SENP7: variants seen among roughly 807,000 people sequenced by gnomAD.
SENP7 encodes sentrin-specific protease 7.
A neutral mutation model predicts 141.2 loss-of-function variants in SENP7; 64 were observed. The ratio of observed to expected loss-of-function variants is 0.45; its 90% confidence interval spans 0.37 to 0.56. The LOEUF (loss-of-function observed/expected upper bound fraction) is 0.56, where lower values mean the gene tolerates loss of function less well. SENP7 is among the 20% of genes least tolerant of loss of function. SENP7 has a pLI of 0.00. For missense variants in SENP7, 1,025 were observed against 1,212.2 expected (o/e 0.85, Z 2.29); for synonymous variants, 382 against 426.4 (o/e 0.90, Z 1.28).
chr3:101,348,015 G>C lies in SENP7; in HGVS notation c.1694C>G (p.Thr565Arg). The part of the protein sequence containing the change: ...LNEISLLVDT[T>R]HLKRFGLWKS... Reference sequence around the variant, plus strand: ...CCATAACCCAAACCGCTTTAAATGTGTGGTATCCACTAGCAATGAAATCTC... The same window carrying C: ...CCATAACCCAAACCGCTTTAAATGTCTGGTATCCACTAGCAATGAAATCTC... The change falls in exon 13 of 24, where the codon ACA becomes AGA. Residue 565 changes from threonine to arginine, a missense_variant. Thr to Arg is a moderately conservative substitution (Grantham distance 71). Around this residue, in one of 4 missense-constraint regions of SENP7, gnomAD observed 228 missense variants for 228.5 expected, o/e 1.00. Coordinates refer to ENST00000394095, the MANE Select transcript of SENP7 (RefSeq NM_020654.5). 1 of 1,605,650 alleles carries C rather than the reference G, an allele frequency of 6.2e-7. No individual in the cohort carries two copies. Among genetic ancestry groups the C allele is most frequent in the Non-Finnish European group, 8.5e-7 (1 of 1,176,718 alleles).
At chr3:101,422,051 G>A (rs1473707907) in intron 4 of SENP7, among the ~76,000 whole-genome samples, 4 of 152,108 alleles carry the variant, frequency 2.6e-5, no homozygotes, top group Non-Finnish European at 4.4e-5. Context: ...GGAGGTGAAC[G>A]GTGGGTGAGC....
chr3:101,381,282 TTAA>T (rs2060494684), intron 6 of SENP7, among the ~76,000 whole-genome samples: 1 of 152,226 alleles, frequency 6.6e-6, no homozygotes, highest in South Asian at 2.1e-4. Flanking sequence ...CCTCTGCCAC[TTAA>T]TCTCTTTGAA....
chr3:101,387,652 C>T (rs1227863732), intron 6 of SENP7, among the ~76,000 whole-genome samples: 2 of 152,232 alleles, frequency 1.3e-5, no homozygotes, highest in East Asian at 1.9e-4. Flanking sequence ...CAGGTTGCCA[C>T]AGCCACTGCC....
At chr3:101,449,137 T>C (rs946819702) in intron 4 of SENP7, among the ~76,000 whole-genome samples, 10 of 152,008 alleles carry the variant, frequency 6.6e-5, no homozygotes, top group South Asian at 2.1e-4. Context: ...TGATGGAACA[T>C]GAAATGAATG....
intron 3 of SENP7, among the ~76,000 whole-genome samples, chr3:101,482,744 CTTTT>C (rs1196451735): frequency 6.6e-6 from 1 of 151,912 alleles, no homozygotes; most frequent in Non-Finnish European, 1.5e-5. Flanking sequence ...GGTGACCTAT[CTTTT>C]TATTTTTTTT....
intron 4 of SENP7, chr3:101,457,318 T>G (rs1282557784): frequency 1.4e-6 from 2 of 1,423,472 alleles, no homozygotes; most frequent in Non-Finnish European, 2.0e-6. Flanking sequence ...TCCTCCCCAG[T>G]AGCAAGTGGT....
chr3:101,337,473 C>T, intron 17 of SENP7, 36 bp downstream of exon 17: 1 of 1,397,352 alleles, frequency 7.2e-7, no homozygotes, highest in African/African-American at 1.5e-5. Context: ...AGTACATTTT[C>T]TCTTAAAACT....
At position 101,368,078 on chromosome 3, in the gene SENP7, C is replaced by T. The variant is rs1576115224; in HGVS notation, c.797-67G>A. 25 of 1,216,762 alleles carry T rather than the reference C, an allele frequency of 2.1e-5. 1 individual carries two copies. The South Asian group carries it at 2.7e-4, about 13-fold the overall frequency. The allele number at this position is 1,216,762 out of a possible 1,614,324, so 75.4% of individuals were successfully genotyped here. On this transcript the variant is annotated intron_variant, in intron 7 of 23. Transcript: ENST00000394095. ...AGAGAGAATCTCTTTTAGAAAAGCT[C>T]GAAGTAACATCATCAGGATTGCTAT...
At chr3:101,427,886 C>G (rs2107699407) in intron 4 of SENP7, among the ~76,000 whole-genome samples, 1 of 152,244 alleles carries the variant, frequency 6.6e-6, no homozygotes, top group East Asian at 1.9e-4. Flanking sequence ...GTGATGTTCC[C>G]TGCCCTGTGT....
Position 101,347,913 on chromosome 3 carries a change from T to G in SENP7, c.1796A>C (p.Glu599Ala). The change falls in exon 13 of 24, where the codon GAG (glutamate) becomes GCG (alanine). Residue 599 changes from glutamate to alanine, a missense_variant. Transcript: ENST00000394095. ...AGAGTGTTCTAATTGGGTCTGAATC[T>G]CTTGAAGATAATCTGAAGAGACCCA... ...FFWVSSDYLQ[E>A]IQTQLEHSVL... 1 of 1,603,056 alleles carries G rather than the reference T, an allele frequency of 6.2e-7. No individual in the cohort carries two copies. Among genetic ancestry groups the G allele is most frequent in the Non-Finnish European group, 8.5e-7 (1 of 1,172,860 alleles).
At chr3:101,454,015 AG>A (rs1309786597) in intron 4 of SENP7, among the ~76,000 whole-genome samples, 2 of 152,202 alleles carry the variant, frequency 1.3e-5, no homozygotes, top group African/African-American at 4.8e-5. Context: ...AAGAAAAGAA[AG>A]AGAGAGGAAA....
At position 101,457,566 on chromosome 3, in the gene SENP7, T is replaced by C. The variant is rs190029966; in HGVS notation, c.284+1389A>G. 1,467 of 1,597,776 alleles carry C rather than the reference T, an allele frequency of 9.2e-4. 5 individuals are homozygous for C. The highest frequency in any genetic ancestry group is 7.5e-4 in the Non-Finnish European group (878 of 1,167,052). On this transcript the variant is annotated intron_variant, in intron 4 of 23. Coordinates refer to ENST00000394095, the MANE Select transcript of SENP7 (RefSeq NM_020654.5). Reference sequence around the variant, plus strand: ...ATGCACCTCTTCAATACCAAAGATATTGTTTACCCCTAACTTCTTTAAGGA... The same window carrying C: ...ATGCACCTCTTCAATACCAAAGATACTGTTTACCCCTAACTTCTTTAAGGA...
chr3:101,481,116 A>T (rs2064458327), intron 3 of SENP7, among the ~76,000 whole-genome samples: 1 of 151,732 alleles, frequency 6.6e-6, no homozygotes, highest in South Asian at 2.1e-4. Flanking sequence ...AACCCATGAT[A>T]CAGTAATCCC....
At chr3:101,463,377 A>ATGTG (rs1195386807) in intron 3 of SENP7, among the ~76,000 whole-genome samples, 44 of 87,404 alleles carry the variant, frequency 5.0e-4, no homozygotes, top group Non-Finnish European at 6.3e-4. Context: ...ATATATATAT[A>ATGTG]TATATATATA....
intron 19 of SENP7, among the ~76,000 whole-genome samples, chr3:101,331,004 T>C (rs1163352224): frequency 6.6e-6 from 1 of 152,176 alleles, no homozygotes; most frequent in Non-Finnish European, 1.5e-5. Flanking sequence ...CTATATTACC[T>C]AGCCAAATTA....
intron 1 of SENP7, among the ~76,000 whole-genome samples, chr3:101,502,648 T>C (rs909510087): frequency 6.7e-6 from 1 of 148,210 alleles, no homozygotes; most frequent in Non-Finnish European, 1.5e-5. Context: ...GGCACAGTGG[T>C]TCATGCCTGT....
intron 11 of SENP7, among the ~76,000 whole-genome samples, chr3:101,354,426 G>A (rs1377342665): frequency 6.6e-6 from 1 of 151,884 alleles, no homozygotes; most frequent in Non-Finnish European, 1.5e-5. Flanking sequence ...CCTTCAAGTA[G>A]GCTCCAGAGT....
chr3:101,422,247 C>G (rs1311017378), intron 4 of SENP7, among the ~76,000 whole-genome samples: 1 of 152,100 alleles, frequency 6.6e-6, no homozygotes, highest in East Asian at 1.9e-4. Context: ...ACAACACCAA[C>G]CCACCCCACT....
In SENP7 at chr3:101,433,331, GA is replaced by G. The variant is rs1174647692; in HGVS notation, c.285-15542del. Among the ~76,000 whole-genome samples the G allele has an allele frequency of 6.4e-3, 676 of 105,624 alleles. 3 individuals carry two copies. The highest frequency in any genetic ancestry group is 0.02 in the African/African-American group (604 of 30,084). 69.3% of individuals were successfully genotyped at this position (105,624 alleles called of 152,430 possible). On this transcript the variant is annotated intron_variant, in intron 4 of 23. Coordinates refer to ENST00000394095, the MANE Select transcript of SENP7 (RefSeq NM_020654.5). ...ACCTTCACTAGAGGAAGACAGGAAGGAAAAAAAAAAGGAAAAAAAAAAACAA... is the reference window on the plus strand; with the variant it reads ...ACCTTCACTAGAGGAAGACAGGAAGGAAAAAAAAAGGAAAAAAAAAAACAA...
Sources: allele counts gnomAD v4.1 joint callset (sites outside exome capture counted in the v4.1 genomes callset), GRCh38; gene constraint gnomAD v4.1.1; regional missense constraint gnomAD v4.1.1; transcripts MANE v1.5; gene names NCBI Gene and HGNC (gene_info 2026-07-23, HGNC 2026-07-21).